Variants in OXR1 observed in about 807,000 individuals in gnomAD.
The protein encoded by OXR1 is oxidation resistance 1.
OXR1 carries 41 observed loss-of-function variants against 104.6 expected under a neutral mutation model. The observed-to-expected ratio is 0.39, with a 90% CI of 0.31 to 0.51. The LOEUF (loss-of-function observed/expected upper bound fraction) is 0.51. Ranked by LOEUF, OXR1 falls within the 20% of genes least tolerant of loss-of-function variation. The pLI, the probability that OXR1 is intolerant of heterozygous loss-of-function variation, is 0.77. For missense variants in OXR1, 955 were observed against 1,031.9 expected (o/e 0.93, Z 1.02); for synonymous variants, 348 against 348.4 (o/e 1.00, Z 0.01).
intron 3 of OXR1, among the ~76,000 whole-genome samples, chr8:106,616,041 T>TC (rs1447806828): frequency 7.5e-6 from 1 of 133,834 alleles, no homozygotes; most frequent in Non-Finnish European, 1.6e-5. Flanking sequence ...TTTTTTTTTT[T>TC]TTTTTTTTTT....
rs1000769165 is a variant in OXR1 at position 106,586,764 on chromosome 8, T to TG, written c.220+67630dup. On this transcript the variant is annotated intron_variant, in intron 3 of 16. Coordinates refer to ENST00000517566, the MANE Select transcript of OXR1 (RefSeq NM_001198533.2). ...GGAAAATCAGGAGATTGTGATGTCC[T>TG]GGGGGCGAGTGAGGAAAGCAGGTGG... Among the ~76,000 whole-genome samples, 3 of 152,048 alleles carry TG rather than the reference T, an allele frequency of 2.0e-5. No homozygotes were observed. In the East Asian group the frequency reaches 5.8e-4, roughly 29 times the overall value.
intron 3 of OXR1, among the ~76,000 whole-genome samples, chr8:106,593,597 T>C (rs180817776): frequency 0.011 from 1,619 of 150,824 alleles, 36 homozygotes; most frequent in African/African-American, 0.038. Flanking sequence ...GCTAACACGG[T>C]GAAACCCCGT....
chr8:106,605,632 TA>T (rs11347410), intron 3 of OXR1, among the ~76,000 whole-genome samples: 30,307 of 123,318 alleles, frequency 0.25, 3,766 homozygotes, highest in East Asian at 0.41. Context: ...CCGTCTCTAC[TA>T]AAAAAAAAAA....
intron 2 of OXR1, among the ~76,000 whole-genome samples, chr8:106,460,401 T>C (rs898786580): frequency 1.3e-5 from 2 of 152,190 alleles, no homozygotes; most frequent in African/African-American, 4.8e-5. Context: ...ATCTGAGGAC[T>C]GCACAGAAGA....
intron 3 of OXR1, among the ~76,000 whole-genome samples, chr8:106,566,943 C>T (rs755229378): frequency 5.3e-5 from 8 of 152,106 alleles, no homozygotes; most frequent in Admixed American, 1.3e-4. Flanking sequence ...GGGAGAGGAA[C>T]ATTACACATT....
intron 1 of OXR1, among the ~76,000 whole-genome samples, chr8:106,319,507 A>G (rs73701139): frequency 4.6e-4 from 70 of 152,326 alleles, no homozygotes; most frequent in African/African-American, 1.7e-3. Context: ...AGAGCAATTA[A>G]AGCTCTTTTG....
intron 2 of OXR1, among the ~76,000 whole-genome samples, chr8:106,423,043 C>T (rs1379632158): frequency 6.6e-6 from 1 of 152,114 alleles, no homozygotes; most frequent in Non-Finnish European, 1.5e-5. Flanking sequence ...CAAGCTGACC[C>T]AGCCCACTGG....
intron 2 of OXR1, among the ~76,000 whole-genome samples, chr8:106,387,620 A>C (rs1032379948): frequency 6.6e-6 from 1 of 152,228 alleles, no homozygotes; most frequent in Admixed American, 6.5e-5. Flanking sequence ...GCAGAGCTCA[A>C]GATTACTTTT....
chr8:106,585,622 G>A (rs1818573434), intron 3 of OXR1, among the ~76,000 whole-genome samples: 1 of 152,112 alleles, frequency 6.6e-6, no homozygotes, highest in South Asian at 2.1e-4. Context: ...GTAAATTGTA[G>A]AGTAAGTTAG....
rs571916488 is a variant in OXR1 at position 106,313,856 on chromosome 8, T to C, written c.-139+43489T>C. On this transcript the variant is annotated intron_variant, in intron 1 of 16. Coordinates refer to ENST00000517566, the MANE Select transcript of OXR1 (RefSeq NM_001198533.2). ...AAATTTTAACATGTACCTTCATTTC[T>C]CTGTAGCAGAAACTTTCTGAAAACT... is the stretch of plus-strand genomic sequence containing the variant. Among the ~76,000 whole-genome samples, 7 of 152,320 alleles carry C rather than the reference T, an allele frequency of 4.6e-5. No individual in the cohort carries two copies. In the South Asian group the frequency reaches 1.4e-3, roughly 32 times the overall value.
chr8:106,495,875 T>C (rs2129903686), intron 2 of OXR1, among the ~76,000 whole-genome samples: 1 of 152,294 alleles, frequency 6.6e-6, no homozygotes, highest in Non-Finnish European at 1.5e-5. Flanking sequence ...TAGCAGCAGA[T>C]CAAGTAATTA....
intron 2 of OXR1, among the ~76,000 whole-genome samples, chr8:106,371,141 C>T (rs907360973): frequency 3.3e-5 from 5 of 151,646 alleles, no homozygotes; most frequent in African/African-American, 7.3e-5. Flanking sequence ...AGCATGTATG[C>T]GTCCAGGAAT....
intron 13 of OXR1, among the ~76,000 whole-genome samples, chr8:106,740,068 CA>C (rs1163880388): frequency 3.3e-5 from 5 of 152,084 alleles, no homozygotes; most frequent in Admixed American, 3.3e-4. Flanking sequence ...ATATGGAAGG[CA>C]AAAGCATTAA....
intron 2 of OXR1, among the ~76,000 whole-genome samples, chr8:106,426,179 C>A (rs1362141965): frequency 6.6e-6 from 1 of 152,096 alleles, no homozygotes; most frequent in Non-Finnish European, 1.5e-5. Context: ...CCCCCTCTGA[C>A]CTATTATGAG....
chr8:106,410,905 G>C (rs1037642146), intron 2 of OXR1, among the ~76,000 whole-genome samples: 1 of 152,050 alleles, frequency 6.6e-6, no homozygotes, highest in Non-Finnish European at 1.5e-5. Flanking sequence ...TGACTCATTT[G>C]TTCAGAAATG....
chr8:106,723,476 C>G (rs554971963), intron 11 of OXR1, among the ~76,000 whole-genome samples: 1 of 144,822 alleles, frequency 6.9e-6, no homozygotes, highest in Non-Finnish European at 1.5e-5. Flanking sequence ...CCAGCCTGGG[C>G]GACAGAGCAA....
At chr8:106,346,605 C>G (rs1815490123) in intron 1 of OXR1, among the ~76,000 whole-genome samples, 1 of 150,940 alleles carries the variant, frequency 6.6e-6, no homozygotes, top group Non-Finnish European at 1.5e-5. Flanking sequence ...TTTTTCACAT[C>G]AGCATGAATA....
At position 106,740,343 on chromosome 8, in the gene OXR1, C is replaced by T. The variant is rs372247285; in HGVS notation, c.2164C>T (p.Leu722Phe). ...ELLLPDQIEKLTKHLPPRTIG... is the reference protein window; with the variant it reads ...ELLLPDQIEKFTKHLPPRTIG... ...AATACTAACACTTTGTTTTCTAAAG[C>T]TTACCAAGCATCTTCCACCAAGAAC... is the stretch of plus-strand genomic sequence containing the variant. The change falls in exon 14 of 17, where the codon CTT becomes TTT. Residue 722 changes from leucine (L) to phenylalanine (F), a missense_variant and splice_region_variant. Physicochemically the swap from Leu to Phe is conservative, Grantham distance 22. Transcript: ENST00000517566. 1 of 1,608,588 alleles carries T rather than the reference C, an allele frequency of 6.2e-7. No homozygotes were observed. The highest frequency in any genetic ancestry group is 1.7e-5 in the Admixed American group (1 of 59,030).
intron 2 of OXR1, among the ~76,000 whole-genome samples, chr8:106,455,184 A>G (rs1419699128): frequency 6.6e-6 from 1 of 152,202 alleles, no homozygotes; most frequent in Non-Finnish European, 1.5e-5. Context: ...ATCATTTAAC[A>G]AAGGATTTGT....
Sources: gnomAD v4.1 joint callset for allele counts (sites outside exome capture counted in the v4.1 genomes callset) on GRCh38, gnomAD v4.1.1 for gene constraint, MANE v1.5 for transcripts, NCBI Gene and HGNC (gene_info 2026-07-23, HGNC 2026-07-21) for gene names.